The following ITGA8 variants were observed in gnomAD, a reference collection of about 807,000 sequenced individuals.
ITGA8 encodes integrin subunit alpha 8, also known as integrin alpha-8.
A neutral mutation model predicts 142.3 loss-of-function variants in ITGA8; 91 were observed. The observed-to-expected ratio is 0.64, with a 90% CI of 0.54 to 0.76. The LOEUF (loss-of-function observed/expected upper bound fraction) is 0.76, where lower values mean the gene tolerates loss of function less well. Ranked by LOEUF, ITGA8 falls within the 30% of genes least tolerant of loss-of-function variation. The pLI is 0.00. For missense variants in ITGA8, 1,406 were observed against 1,327.7 expected (o/e 1.06, Z -0.92); for synonymous variants, 505 against 485.2 (o/e 1.04, Z -0.54).
chr10:15,628,028 A>G (rs1452605816), intron 13 of ITGA8, among the ~76,000 whole-genome samples: 1 of 152,004 alleles, frequency 6.6e-6, no homozygotes, highest in African/African-American at 2.4e-5. Flanking sequence ...TTAGCATACT[A>G]AAAGACACTC....
At position 15,660,916 on chromosome 10, in the gene ITGA8, A is replaced by T. The variant is rs2131671743; in HGVS notation, c.854T>A (p.Val285Asp). The T allele has an allele frequency of 6.2e-7, 1 of 1,613,694 alleles. No homozygotes were observed. Among genetic ancestry groups the T allele is most frequent in the African/African-American group, 1.3e-5 (1 of 75,032 alleles). ...CTGTGCTCCTCTTGGAATTCCAGCA[A>T]CCAATTCTGGGGATGAAAATAGCCA... ...EFTGDSQQEL[V>D]AGIPRGAQNF... Residue 285 changes from valine (V) to aspartate (D), a missense_variant, in exon 9 of 30, where the codon GTT becomes GAT. Val to Asp is a radical substitution (Grantham distance 152). Coordinates refer to ENST00000378076, the MANE Select transcript of ITGA8 (RefSeq NM_003638.3).
At chr10:15,607,528 A>T (rs1035678139) in intron 17 of ITGA8, 149 bp downstream of exon 17, 4 of 717,504 alleles carry the variant, frequency 5.6e-6, no homozygotes, top group Non-Finnish European at 9.7e-6. Context: ...AGAGGAGAGT[A>T]TTTGACCCTA....
intron 2 of ITGA8, among the ~76,000 whole-genome samples, chr10:15,714,524 G>A (rs180913577): frequency 6.6e-6 from 1 of 152,256 alleles, no homozygotes; most frequent in Admixed American, 6.5e-5. Context: ...ATTCTGTACA[G>A]AGCAGGAAAA....
chr10:15,584,860 C>T (rs1212053078), intron 23 of ITGA8, among the ~76,000 whole-genome samples: 1 of 152,014 alleles, frequency 6.6e-6, no homozygotes, highest in Non-Finnish European at 1.5e-5. Flanking sequence ...AGTTTGAGAC[C>T]AGCCTGGCCA....
At chr10:15,550,221 G>A (rs779975836) in intron 26 of ITGA8, among the ~76,000 whole-genome samples, 70 of 152,146 alleles carry the variant, frequency 4.6e-4, no homozygotes, top group Non-Finnish European at 9.0e-4. Flanking sequence ...ATGATTGTGA[G>A]GACTCCCTAG....
At position 15,719,822 on chromosome 10, in the gene ITGA8, C is replaced by G. The variant is rs1203888668; in HGVS notation, c.-51G>C. The G allele has an allele frequency of 7.9e-7, 1 of 1,270,662 alleles. No homozygotes were observed. The highest frequency in any genetic ancestry group is 1.6e-5 in the African/African-American group (1 of 63,550). 78.7% of individuals were successfully genotyped at this position (1,270,662 alleles called of 1,614,324 possible). On this transcript the variant is annotated 5_prime_UTR_variant, in exon 1 of 30. Transcript: ENST00000378076. ...CTACCCAGGAGCGCGAGCCGAGGAC[C>G]CCTGCGGGGCAAGGGGGGCTGGTGG...
intron 20 of ITGA8, among the ~76,000 whole-genome samples, chr10:15,603,927 G>T (rs937513983): frequency 6.6e-6 from 1 of 152,150 alleles, no homozygotes; most frequent in Non-Finnish European, 1.5e-5. Context: ...CTTTTTGATC[G>T]CATTGGTAAG....
chr10:15,671,709 C>T, intron 7 of ITGA8, 62 bp from the exon 8 acceptor site: 1 of 1,348,164 alleles, frequency 7.4e-7, no homozygotes, highest in Admixed American at 1.7e-5. Context: ...TGAGTTATAT[C>T]TAGAAAAAGG....
intron 23 of ITGA8, among the ~76,000 whole-genome samples, chr10:15,580,287 A>G (rs577846246): frequency 6.6e-6 from 1 of 152,222 alleles, no homozygotes; most frequent in Non-Finnish European, 1.5e-5. Context: ...TAGATGAAAT[A>G]GACAAATTCC....
At chr10:15,661,422 G>A (rs534444102) in intron 8 of ITGA8, among the ~76,000 whole-genome samples, 19 of 152,186 alleles carry the variant, frequency 1.2e-4, no homozygotes, top group Non-Finnish European at 2.2e-4. Context: ...GTAGAGGGTT[G>A]GAAGTTTGAA....
At chr10:15,627,791 G>A (rs1833612065) in intron 13 of ITGA8, among the ~76,000 whole-genome samples, 4 of 152,054 alleles carry the variant, frequency 2.6e-5, no homozygotes, top group Non-Finnish European at 5.9e-5. Context: ...ATCTTGAATA[G>A]GGGCTGGGTA....
At chr10:15,556,422 G>T (rs1254688931) in intron 26 of ITGA8, among the ~76,000 whole-genome samples, 1 of 152,088 alleles carries the variant, frequency 6.6e-6, no homozygotes, top group Non-Finnish European at 1.5e-5. Context: ...CTGCATCTTG[G>T]ACTGAGCTTC....
chr10:15,710,964 C>T (rs1835352994), intron 2 of ITGA8, among the ~76,000 whole-genome samples: 1 of 152,128 alleles, frequency 6.6e-6, no homozygotes. Context: ...AATTTATGTC[C>T]TTATGTCAAA....
intron 10 of ITGA8, among the ~76,000 whole-genome samples, chr10:15,658,225 C>T (rs564149939): frequency 1.2e-4 from 19 of 152,210 alleles, no homozygotes; most frequent in South Asian, 4.1e-4. Context: ...TCACACAGTT[C>T]ATGAGCGGTG....
chr10:15,684,439 T>G (rs1834799316), intron 3 of ITGA8, among the ~76,000 whole-genome samples: 1 of 151,958 alleles, frequency 6.6e-6, no homozygotes, highest in Non-Finnish European at 1.5e-5. Context: ...TGATCACAGC[T>G]CACTGTAGCC....
intron 13 of ITGA8, among the ~76,000 whole-genome samples, chr10:15,623,754 A>G (rs1183181980): frequency 6.6e-6 from 1 of 152,192 alleles, no homozygotes; most frequent in Admixed American, 6.5e-5. Flanking sequence ...CATCCTTTTT[A>G]GTAAGCAGAG....
chr10:15,644,368 A>G (rs1353737174), intron 12 of ITGA8, 147 bp from the exon 13 acceptor site: 2 of 549,934 alleles, frequency 3.6e-6, no homozygotes, highest in East Asian at 3.2e-5. Context: ...CCCGGACTCA[A>G]GTGATCCTCC....
chr10:15,598,221 A>C (rs17137530), intron 20 of ITGA8, among the ~76,000 whole-genome samples: 3,407 of 152,260 alleles, frequency 0.022, 104 homozygotes, highest in East Asian at 0.084. Context: ...CAATATGAGG[A>C]CTTTCATAAA....
intron 4 of ITGA8, 76 bp downstream of exon 4, chr10:15,683,928 G>A (rs377329457): frequency 2.6e-6 from 4 of 1,547,010 alleles, no homozygotes; most frequent in Middle Eastern, 1.7e-4. Flanking sequence ...ATGGTGTTTT[G>A]AGCCTACCTG....
Sources: gnomAD v4.1 joint callset for allele counts (sites outside exome capture counted in the v4.1 genomes callset) on GRCh38, gnomAD v4.1.1 for gene constraint, MANE v1.5 for transcripts, NCBI Gene and HGNC (gene_info 2026-07-23, HGNC 2026-07-21) for gene names.